The following DMD variants were observed in gnomAD, a reference collection of about 807,000 sequenced individuals.
DMD encodes dystrophin, also known as mutant dystrophin.
In DMD, 63 loss-of-function variants were observed where a neutral mutation model predicts 330.1. That is an observed-to-expected ratio of 0.19 (90% CI 0.16 to 0.24). The LOEUF is 0.24. Among genes scored for constraint, DMD ranks in the 10% least tolerant of loss-of-function variants. The pLI, the probability that DMD is intolerant of heterozygous loss-of-function variation, is 1.00. For missense variants in DMD, 3,344 were observed against 2,684.1 expected (o/e 1.25, Z -5.43); for synonymous variants, 1,223 against 959.8 (o/e 1.27, Z -5.07).
At chrX:31,158,238 C>G (rs1953147683) in intron 74 of DMD, among the ~76,000 whole-genome samples, 1 of 111,922 alleles carries the variant, frequency 8.9e-6, no homozygotes, top group Non-Finnish European at 1.9e-5. Context: ...TGTGGTATAT[C>G]CATACAATGA....
At chrX:31,460,090 T>C in intron 59 of DMD, among the ~76,000 whole-genome samples, 1 of 112,068 alleles carries the variant, frequency 8.9e-6, no homozygotes, top group Non-Finnish European at 1.9e-5. Context: ...GTTTATCCCA[T>C]AATTCTCTTT....
intron 17 of DMD, among the ~76,000 whole-genome samples, chrX:32,520,478 C>G (rs1313169961): frequency 4.5e-5 from 5 of 111,706 alleles, no homozygotes; most frequent in Non-Finnish European, 7.5e-5. Flanking sequence ...GTATATTGGA[C>G]AGAGAAGGAG....
In DMD at chrX:33,061,690, A is replaced by C. The variant is rs113231535; in HGVS notation, c.32-41490T>G. 4.5e-4 allele frequency among the ~76,000 whole-genome samples: 50 copies of C among 111,496 alleles called. 1 individual carries two copies. Among genetic ancestry groups the C allele is most frequent in the African/African-American group, 1.4e-3 (43 of 30,715 alleles). ...GTTTACTACAAATCAAAGGTGGCTG[A>C]CACAACTTTGTCCCCAGGAATTCTA... is the stretch of plus-strand genomic sequence containing the variant. On this transcript the variant is annotated intron_variant, in intron 1 of 78. Transcript: ENST00000357033.
intron 7 of DMD, among the ~76,000 whole-genome samples, chrX:32,713,894 A>G (rs1451648109): frequency 8.9e-6 from 1 of 111,939 alleles, no homozygotes; most frequent in Non-Finnish European, 1.9e-5. Context: ...GTCAAATATT[A>G]TAGCTTAGCC....
At chrX:33,175,203 T>C (rs1208680533) in intron 1 of DMD, among the ~76,000 whole-genome samples, 4 of 112,422 alleles carry the variant, frequency 3.6e-5, no homozygotes, top group African/African-American at 1.3e-4. Context: ...AAAATTGTAG[T>C]TTTTAACTTC....
At chrX:31,174,085 C>G (rs769877454) in intron 71 of DMD, among the ~76,000 whole-genome samples, 24 of 111,922 alleles carry the variant, frequency 2.1e-4, no homozygotes, top group Non-Finnish European at 4.3e-4. Flanking sequence ...TAGTACAAGA[C>G]TTCTTAAAAC....
chrX:31,150,064 G>T (rs1165436143), intron 74 of DMD, among the ~76,000 whole-genome samples: 4 of 111,685 alleles, frequency 3.6e-5, no homozygotes, highest in Non-Finnish European at 7.5e-5. Context: ...ATAGTGTGCT[G>T]ATTTTGTTGT....
chrX:32,444,592 C>A (rs143710173), intron 27 of DMD, among the ~76,000 whole-genome samples: 5 of 110,494 alleles, frequency 4.5e-5, no homozygotes. Flanking sequence ...GTATGTTTCC[C>A]ATAGAGTTTA....
chrX:31,135,833 T>TTAG (rs1340624973), intron 76 of DMD, among the ~76,000 whole-genome samples: 5 of 112,409 alleles, frequency 4.4e-5, no homozygotes, highest in Admixed American at 3.8e-4. Context: ...AGACCTTGCT[T>TTAG]TAGCAAGTCA....
intron 52 of DMD, among the ~76,000 whole-genome samples, chrX:31,684,084 A>G (rs1467997594): frequency 1.8e-5 from 2 of 112,177 alleles, no homozygotes; most frequent in Non-Finnish European, 3.8e-5. Flanking sequence ...GCCCATGCCA[A>G]AAGTATCCAT....
At chrX:32,821,514 G>A (rs1358675746) in intron 5 of DMD, among the ~76,000 whole-genome samples, 1 of 109,861 alleles carries the variant, frequency 9.1e-6, no homozygotes, top group Non-Finnish European at 1.9e-5. Context: ...CGTGAATCCG[G>A]GAGGCGGAGC....
At chrX:32,279,939 C>T (rs1472520186) in intron 43 of DMD, among the ~76,000 whole-genome samples, 2 of 86,098 alleles carry the variant, frequency 2.3e-5, no homozygotes, top group Non-Finnish European at 4.8e-5. Context: ...ATGTACCCCA[C>T]ATATATACAC....
chrX:32,100,573 A>G (rs749513854), intron 44 of DMD, among the ~76,000 whole-genome samples: 8 of 110,907 alleles, frequency 7.2e-5, no homozygotes, highest in South Asian at 7.6e-4. Flanking sequence ...TTCAGCTGCA[A>G]TGAGAAAACA....
chrX:31,339,637 G>A (rs11095208), intron 61 of DMD, among the ~76,000 whole-genome samples: 30,642 of 110,929 alleles, frequency 0.28, 3,157 homozygotes, highest in East Asian at 0.57. Context: ...GTGCAATGGC[G>A]CAATCTCGGC....
chrX:33,303,917 A>G (rs1465533373), intron 1 of DMD, among the ~76,000 whole-genome samples: 1 of 111,830 alleles, frequency 8.9e-6, no homozygotes, highest in African/African-American at 3.2e-5. Context: ...CTGAATATTT[A>G]TCATTTCAAA....
intron 52 of DMD, among the ~76,000 whole-genome samples, chrX:31,704,865 T>C (rs954344792): frequency 8.0e-5 from 9 of 112,199 alleles, no homozygotes; most frequent in African/African-American, 2.9e-4. Context: ...AGTTAGGATG[T>C]ATACAAAATC....
Position 32,534,107 on chromosome X carries a change from T to A in DMD, c.2168+11052A>T, listed in dbSNP as rs773935007. 5.6e-3 allele frequency among the ~76,000 whole-genome samples: 629 copies of A among 112,142 alleles called. 9 individuals are homozygous for A. The highest frequency in any genetic ancestry group is 0.02 in the African/African-American group (605 of 30,794). On this transcript the variant is annotated intron_variant, in intron 17 of 78. Transcript: ENST00000357033. The stretch of plus-strand genomic sequence containing the variant: ...GGTTTTTAGTCAGCTAGCACTTACA[T>A]AACAAAATACCATAGACTGGGTGGC...
intron 41 of DMD, among the ~76,000 whole-genome samples, chrX:32,334,427 T>C (rs981467187): frequency 1.9e-4 from 21 of 112,127 alleles, no homozygotes; most frequent in African/African-American, 6.5e-4. Context: ...GAAGAAAATC[T>C]ATGTGGCAAT....
chrX:31,260,971 C>T lies in DMD; in HGVS notation c.9270G>A (p.Glu3090=), dbSNP rs768790476. The T allele has an allele frequency of 3.1e-5, 38 of 1,208,932 alleles. No homozygotes were observed. The highest frequency in any genetic ancestry group is 4.2e-5 in the Non-Finnish European group (38 of 894,658). ...TGTCCTTACCTAAAGACTGGTAGAG[C>T]TCTGTCATTTTGGGATGGTCCCAGC... ...TTCWDHPKMT[E]LYQSLADLNN... The change falls in exon 63 of 79, where the codon GAG becomes GAA. Residue 3090 remains glutamate (E), a synonymous_variant. Transcript: ENST00000357033.
Sources: gnomAD v4.1 joint callset for allele counts (sites outside exome capture counted in the v4.1 genomes callset) on GRCh38, gnomAD v4.1.1 for gene constraint, MANE v1.5 for transcripts, NCBI Gene and HGNC (gene_info 2026-07-23, HGNC 2026-07-21) for gene names.